Variants in CAMTA1 observed in about 807,000 individuals in gnomAD.
CAMTA1 encodes the protein calmodulin-binding transcription activator 1.
CAMTA1 carries 27 observed loss-of-function variants against 170.9 expected under a neutral mutation model. The ratio of observed to expected loss-of-function variants is 0.16; its 90% CI spans 0.12 to 0.22. CAMTA1 has a LOEUF of 0.22. Among genes scored for constraint, CAMTA1 ranks in the 10% least tolerant of loss-of-function variants. The pLI is 1.00. For missense variants in CAMTA1, 1,619 were observed against 2,217.2 expected, an observed-to-expected ratio of 0.73 and a Z score of 5.42; for synonymous variants, 833 against 891.5, an observed-to-expected ratio of 0.93 and a Z score of 1.17.
At chr1:7,253,543 T>G (rs1337950898) in intron 5 of CAMTA1, among the ~76,000 whole-genome samples, 1 of 152,236 alleles carries the variant, frequency 6.6e-6, no homozygotes, top group Non-Finnish European at 1.5e-5. Flanking sequence ...CAATTACTAC[T>G]GAGACAGTCA....
chr1:7,231,139 C>T (rs1168494854), intron 4 of CAMTA1, among the ~76,000 whole-genome samples: 4 of 152,116 alleles, frequency 2.6e-5, no homozygotes, highest in African/African-American at 9.7e-5. Flanking sequence ...GATAAGCAGC[C>T]CCCGGGGGAT....
chr1:7,328,979 G>T (rs1043684499), intron 5 of CAMTA1, among the ~76,000 whole-genome samples: 1 of 152,108 alleles, frequency 6.6e-6, no homozygotes, highest in African/African-American at 2.4e-5. Flanking sequence ...CACATATGGA[G>T]AATTGAGTCC....
rs1180260241 is a variant in CAMTA1 at position 7,443,395 on chromosome 1, A to AT, written c.439-24435_439-24434insT. ...GATGCTGCATCAAGGTGGCCTTGGG[A>AT]GCACGTGGAGATGATGATAGCCATG... On this transcript the variant is annotated intron_variant, in intron 5 of 22. Coordinates refer to ENST00000303635, the MANE Select transcript of CAMTA1 (RefSeq NM_015215.4). The surrounding 1 kb of genome is among the most constrained non-coding windows in gnomAD (Gnocchi z 4.1). 6.6e-6 allele frequency among the ~76,000 whole-genome samples: 1 copy of AT among 152,166 alleles called. No homozygotes were observed. The highest frequency in any genetic ancestry group is 2.4e-5 in the African/African-American group (1 of 41,434).
At chr1:6,801,305 C>T (rs1398040801) in intron 1 of CAMTA1, among the ~76,000 whole-genome samples, 1 of 152,024 alleles carries the variant, frequency 6.6e-6, no homozygotes, top group Non-Finnish European at 1.5e-5. Context: ...GGCTAAATAT[C>T]CTTGACAGCT....
In CAMTA1 at chr1:7,426,850, C is replaced by T. The variant is rs1035176041; in HGVS notation, c.439-40980C>T. Among the ~76,000 whole-genome samples the T allele has an allele frequency of 3.9e-5, 6 of 152,176 alleles. No homozygotes were observed. The highest frequency in any genetic ancestry group is 1.9e-4 in the East Asian group (1 of 5,194). Reference sequence around the variant, plus strand: ...AAAATTAGAGTTAAAAAGACCTGAACGGCTGTCCTCCTGGGAGTCAGGTTG... The same window carrying T: ...AAAATTAGAGTTAAAAAGACCTGAATGGCTGTCCTCCTGGGAGTCAGGTTG... On this transcript the variant is annotated intron_variant, in intron 5 of 22. Transcript: ENST00000303635. This position sits in a 1 kb window ranked among gnomAD's most constrained non-coding sequence, Gnocchi z 4.8.
intron 5 of CAMTA1, among the ~76,000 whole-genome samples, chr1:7,362,855 T>C (rs1344046947): frequency 1.3e-5 from 2 of 152,056 alleles, no homozygotes; most frequent in African/African-American, 2.4e-5. Context: ...TAGACTTGAA[T>C]AGAGTGAGTG....
chr1:6,834,717 A>G, intron 3 of CAMTA1: 1 of 154,176 alleles, frequency 6.5e-6, no homozygotes, highest in Non-Finnish European at 1.4e-5. Context: ...AACTTACCGC[A>G]GCCTCGACCT....
intron 3 of CAMTA1, among the ~76,000 whole-genome samples, chr1:7,076,637 G>C (rs192634254): frequency 1.3e-5 from 2 of 152,222 alleles, no homozygotes; most frequent in Admixed American, 6.5e-5. Context: ...AAGTCCTCAC[G>C]TGGACCCAGG....
chr1:7,680,233 CG>C lies in CAMTA1; in HGVS notation c.2914+2501del. 1 of 263,684 alleles carries C rather than the reference CG, an allele frequency of 3.8e-6. No homozygotes were observed. Among genetic ancestry groups the C allele is most frequent in the Non-Finnish European group, 8.3e-6 (1 of 121,174 alleles). The allele number at this position is 263,684 out of a possible 1,614,324, so 16.3% of individuals were successfully genotyped here. On this transcript the variant is annotated intron_variant, in intron 11 of 22. Transcript: ENST00000303635. This position sits in a 1 kb window ranked among gnomAD's most constrained non-coding sequence, Gnocchi z 4.4. ...GGGCGGTGGTGAGCCTTCCGTTCCC[CG>C]CCTGTCCCTCCCGGCCCCTCCCCTC...
chr1:7,507,630 A>C (rs1018800397), intron 6 of CAMTA1, among the ~76,000 whole-genome samples: 2 of 152,216 alleles, frequency 1.3e-5, no homozygotes, highest in African/African-American at 4.8e-5. Flanking sequence ...TGCAGGAAGG[A>C]GGGAGGCAGG....
At chr1:6,858,830 A>G (rs184303181) in intron 3 of CAMTA1, among the ~76,000 whole-genome samples, 56 of 152,312 alleles carry the variant, frequency 3.7e-4, no homozygotes, top group African/African-American at 1.3e-3. Context: ...ACTGTGCAGT[A>G]TAGAGCATTC....
At position 7,751,202 on chromosome 1, in the gene CAMTA1, G is replaced by T. The variant is rs372219946; in HGVS notation, c.4693G>T (p.Ala1565Ser). The change falls in exon 20 of 23, where the codon GCA (alanine) becomes TCA (serine). Residue 1565 changes from alanine (A) to serine (S), a missense_variant. Ala to Ser is a moderately conservative substitution (Grantham distance 99). This residue lies in a region of CAMTA1 where 128 missense variants were observed against 213.5 expected (regional missense o/e 0.60). Transcript: ENST00000303635. ...CTTGTTCTTGTTTCCCCTGCAGTAC[G>T]CACTTTATAAAAAGATGACACAGGC... Reference protein sequence around the residue: ...QRCYRKYKQYALYKKMTQAAI... With the variant: ...QRCYRKYKQYSLYKKMTQAAI... 2.5e-6 allele frequency: 4 copies of T among 1,585,166 alleles called. No individual in the cohort carries two copies. The highest frequency in any genetic ancestry group is 4.5e-5 in the East Asian group (2 of 44,678).
intron 3 of CAMTA1, among the ~76,000 whole-genome samples, chr1:6,982,238 G>A (rs540510332): frequency 2.0e-5 from 3 of 152,242 alleles, no homozygotes; most frequent in East Asian, 1.9e-4. Context: ...TAGGTGCGCC[G>A]ATGGCCAGTG....
intron 4 of CAMTA1, among the ~76,000 whole-genome samples, chr1:7,149,884 C>T (rs1188418766): frequency 1.3e-5 from 2 of 152,186 alleles, no homozygotes; most frequent in African/African-American, 4.8e-5. Flanking sequence ...AAATAAAACT[C>T]CTGATAACGA....
chr1:7,223,522 G>A (rs1253604006), intron 4 of CAMTA1, among the ~76,000 whole-genome samples: 1 of 152,102 alleles, frequency 6.6e-6, no homozygotes, highest in African/African-American at 2.4e-5. Flanking sequence ...ACCTCCTTGA[G>A]CAGATATAAG....
intron 4 of CAMTA1, among the ~76,000 whole-genome samples, chr1:7,180,330 C>T (rs1243586712): frequency 6.6e-6 from 1 of 151,120 alleles, no homozygotes; most frequent in Non-Finnish European, 1.5e-5. Context: ...TGCACTCCGG[C>T]CTGGGTGACA....
chr1:7,448,138 G>A (rs564833253), intron 5 of CAMTA1, among the ~76,000 whole-genome samples: 11 of 152,318 alleles, frequency 7.2e-5, no homozygotes, highest in Admixed American at 3.3e-4. Flanking sequence ...CCCAGTCCCC[G>A]CACCTCCCTC....
intron 3 of CAMTA1, among the ~76,000 whole-genome samples, chr1:6,884,153 A>G (rs1186800793): frequency 1.6e-5 from 2 of 122,662 alleles, no homozygotes; most frequent in Non-Finnish European, 3.7e-5. Context: ...TAGATCTAAA[A>G]CCATTTCTCA....
At chr1:7,683,574 G>A (rs1185913298) in intron 11 of CAMTA1, among the ~76,000 whole-genome samples, 1 of 152,084 alleles carries the variant, frequency 6.6e-6, no homozygotes, top group East Asian at 1.9e-4. Flanking sequence ...CACCTGGAGT[G>A]GGGACTGGGG....
Sources: gnomAD v4.1 joint callset for allele counts (sites outside exome capture counted in the v4.1 genomes callset) on GRCh38, gnomAD v4.1.1 for gene constraint, gnomAD v4.1.1 regional missense constraint, Gnocchi (gnomAD v3.1) non-coding constraint, MANE v1.5 for transcripts, NCBI Gene and HGNC (gene_info 2026-07-23, HGNC 2026-07-21) for gene names.